CSMD2: variants seen among roughly 807,000 people sequenced by gnomAD.
The protein encoded by CSMD2 is CUB and Sushi multiple domains 2.
Under a neutral mutation model 398.5 loss-of-function variants are expected in CSMD2, and 130 were observed. The observed-to-expected ratio is 0.33, with a 90% CI of 0.28 to 0.38. CSMD2 has a LOEUF of 0.38. CSMD2 is among the 10% of genes least tolerant of loss of function. CSMD2 has a pLI of 1.00. For missense variants in CSMD2, 3,829 were observed against 4,764.9 expected (o/e 0.80, Z 5.78); for synonymous variants, 1,828 against 1,908.5 (o/e 0.96, Z 1.10).
At position 33,590,131 on chromosome 1, in the gene CSMD2, G is replaced by GT. The variant is rs35685001; in HGVS notation, c.6857-2964dup. On this transcript the variant is annotated intron_variant, in intron 44 of 70. Coordinates refer to ENST00000373381, the MANE Select transcript of CSMD2 (RefSeq NM_001281956.2). Reference sequence around the variant, plus strand: ...ATTTTCCATTACATTTTAAAACTAGGTTTTTTTTTTTTCAGGGTCTTGCTC... The same window carrying GT: ...ATTTTCCATTACATTTTAAAACTAGGTTTTTTTTTTTTTCAGGGTCTTGCTC... 9.6e-3 allele frequency among the ~76,000 whole-genome samples: 1,400 copies of GT among 146,210 alleles called. 8 individuals carry two copies. Among genetic ancestry groups the GT allele is most frequent in the Non-Finnish European group, 0.016 (1,063 of 66,588 alleles).
intron 25 of CSMD2, among the ~76,000 whole-genome samples, chr1:33,680,839 T>G (rs1484128387): frequency 6.6e-6 from 1 of 151,912 alleles, no homozygotes; most frequent in Non-Finnish European, 1.5e-5. Flanking sequence ...ACCACTGAGA[T>G]TTGGGGGTTA....
At position 33,654,779 on chromosome 1, in the gene CSMD2, C is replaced by T. The variant is rs115318179; in HGVS notation, c.4448-2318G>A. Among the ~76,000 whole-genome samples the T allele has an allele frequency of 8.5e-3, 1,288 of 152,352 alleles. 24 individuals carry two copies. Among genetic ancestry groups the T allele is most frequent in the African/African-American group, 0.029 (1,208 of 41,586 alleles). ...GGGAAATCTTCCCAAGGGGGCACAACGAGGCCTCCATTCTGGTTCCCAGCC... is the reference window on the plus strand; with the variant it reads ...GGGAAATCTTCCCAAGGGGGCACAATGAGGCCTCCATTCTGGTTCCCAGCC... On this transcript the variant is annotated intron_variant, in intron 27 of 70. Coordinates refer to ENST00000373381, the MANE Select transcript of CSMD2 (RefSeq NM_001281956.2).
chr1:33,827,351 C>G, intron 6 of CSMD2, among the ~76,000 whole-genome samples: 1 of 152,228 alleles, frequency 6.6e-6, no homozygotes, highest in East Asian at 1.9e-4. Flanking sequence ...CTTCTCCAGC[C>G]TCATGGGCCT....
intron 3 of CSMD2, among the ~76,000 whole-genome samples, chr1:33,953,607 A>C (rs1346211871): frequency 2.0e-5 from 3 of 152,198 alleles, no homozygotes; most frequent in Non-Finnish European, 4.4e-5. Flanking sequence ...GTTTGGAGTC[A>C]GGGATCTTTT....
intron 3 of CSMD2, among the ~76,000 whole-genome samples, chr1:33,989,803 C>T (rs532659248): frequency 3.9e-5 from 6 of 152,154 alleles, no homozygotes; most frequent in South Asian, 4.2e-4. Flanking sequence ...TCTAATCTGA[C>T]GTGACAGAAA....
At chr1:33,775,099 C>G (rs1034781780) in intron 12 of CSMD2, among the ~76,000 whole-genome samples, 2 of 152,182 alleles carry the variant, frequency 1.3e-5, no homozygotes, top group Admixed American at 1.3e-4. Context: ...CTAACCTCAT[C>G]TACAAAATTT....
chr1:33,967,215 G>A (rs964035597), intron 3 of CSMD2, among the ~76,000 whole-genome samples: 1 of 149,494 alleles, frequency 6.7e-6, no homozygotes, highest in African/African-American at 2.5e-5. Context: ...AAGGTCTGAA[G>A]AGGTCACCAA....
chr1:33,558,904 G>C (rs1423918790), intron 54 of CSMD2, among the ~76,000 whole-genome samples: 2 of 152,072 alleles, frequency 1.3e-5, no homozygotes, highest in African/African-American at 2.4e-5. Flanking sequence ...CAACCACAAG[G>C]AAAGACCAAG....
At chr1:33,761,092 G>A (rs1649762020) in intron 13 of CSMD2, among the ~76,000 whole-genome samples, 3 of 152,196 alleles carry the variant, frequency 2.0e-5, no homozygotes, top group East Asian at 3.9e-4. Context: ...TCTGTGGGCA[G>A]ATAACCTTAG....
chr1:33,959,175 CTTCTCT>C (rs1446731964), intron 3 of CSMD2, among the ~76,000 whole-genome samples: 3 of 152,194 alleles, frequency 2.0e-5, no homozygotes, highest in Non-Finnish European at 4.4e-5. Flanking sequence ...ACTATGGATG[CTTCTCT>C]TTGTTTATTC....
chr1:33,766,300 CCT>C lies in CSMD2; in HGVS notation c.1846+6267_1846+6268del, dbSNP rs373841785. 2.1e-4 allele frequency among the ~76,000 whole-genome samples: 32 copies of C among 152,276 alleles called. No individual in the cohort carries two copies. The South Asian group carries it at 6.4e-3, about 31-fold the overall frequency. On this transcript the variant is annotated intron_variant, in intron 13 of 70. Coordinates refer to ENST00000373381, the MANE Select transcript of CSMD2 (RefSeq NM_001281956.2). ...ACCCACTGCTGCCTCTTGGATGTCT[CCT>C]TTTCCAGCAGGGCCTCTCATCTTTC...
At position 34,088,974 on chromosome 1, in the gene CSMD2, T is replaced by G. The variant is rs2148365826; in HGVS notation, c.404+3A>C. The G allele has an allele frequency of 6.2e-7, 1 of 1,612,248 alleles. No individual in the cohort carries two copies. The highest frequency in any genetic ancestry group is 1.7e-5 in the Admixed American group (1 of 60,016). On this transcript the variant is annotated splice_donor_region_variant and intron_variant, in intron 2 of 70. Transcript: ENST00000373381. ...GCTACAGGGAAGGTGGGCAGCATGG[T>G]ACCTCGTACGCAGATTCTCTGGCTG...
At chr1:33,896,086 T>C (rs1211937995) in intron 5 of CSMD2, among the ~76,000 whole-genome samples, 1 of 152,206 alleles carries the variant, frequency 6.6e-6, no homozygotes, top group Non-Finnish European at 1.5e-5. Flanking sequence ...GCACTTTACA[T>C]ATTAATCAGG....
intron 12 of CSMD2, among the ~76,000 whole-genome samples, chr1:33,773,628 C>T (rs1651574866): frequency 6.6e-6 from 1 of 152,038 alleles, no homozygotes; most frequent in South Asian, 2.1e-4. Context: ...GTGCTTAATG[C>T]TGTGAGAGAT....
rs1377852605 is a variant in CSMD2 at position 33,846,952 on chromosome 1, T to C, written c.965A>G (p.Asn322Ser). 7 of 1,610,752 alleles carry C rather than the reference T, an allele frequency of 4.3e-6. No individual in the cohort carries two copies. The highest frequency in any genetic ancestry group is 8.5e-7 in the Non-Finnish European group (1 of 1,178,432). ...SLPAPVISSK[N>S]WLRLHFTSDG... The stretch of plus-strand genomic sequence containing the variant: ...CGATGTGAAGTGCAGTCGCAGCCAG[T>C]TCTTGCTGCTGATAACGGGGGCTGG... Residue 322 changes from asparagine (N) to serine (S), a missense_variant, in exon 6 of 71, where the codon AAC becomes AGC. Physicochemically the swap from Asn to Ser is conservative, Grantham distance 46. This residue lies in a region of CSMD2 where 2,001 missense variants were observed against 2,567.1 expected (regional missense o/e 0.78). Coordinates refer to ENST00000373381, the MANE Select transcript of CSMD2 (RefSeq NM_001281956.2).
Position 33,726,653 on chromosome 1 carries a change from C to T in CSMD2, c.2401G>A (p.Gly801Ser), listed in dbSNP as rs1377426192. The T allele has an allele frequency of 1.5e-5, 24 of 1,612,528 alleles. No individual in the cohort carries two copies. Among genetic ancestry groups the T allele is most frequent in the South Asian group, 6.6e-5 (6 of 90,960 alleles). Reference protein sequence around the residue: ...PCGGHLTSPSGTILSPGWPGF... With the variant: ...PCGGHLTSPSSTILSPGWPGF... The stretch of plus-strand genomic sequence containing the variant: ...GGCCAGCCCGGAGAGAGGATGGTGC[C>T]GCTGGGCGAAGTCAGGTGACCACCA... The change falls in exon 16 of 71, where the codon GGC becomes AGC. Residue 801 changes from glycine (G) to serine (S), a missense_variant. By Grantham distance (56) the Gly-to-Ser change is moderately conservative. This residue lies in a region of CSMD2 where 2,001 missense variants were observed against 2,567.1 expected (regional missense o/e 0.78). Transcript: ENST00000373381.
At chr1:34,121,186 G>A (rs918884292) in intron 1 of CSMD2, among the ~76,000 whole-genome samples, 4 of 152,166 alleles carry the variant, frequency 2.6e-5, no homozygotes, top group Non-Finnish European at 5.9e-5. Flanking sequence ...CTGAAGTCTG[G>A]GGTTTTCTCC....
chr1:33,984,046 C>T (rs1054328147), intron 3 of CSMD2, among the ~76,000 whole-genome samples: 2 of 152,008 alleles, frequency 1.3e-5, no homozygotes, highest in East Asian at 1.9e-4. Context: ...CCCAGCTACT[C>T]GGGAGGCTGA....
intron 1 of CSMD2, among the ~76,000 whole-genome samples, chr1:34,145,173 C>G (rs1225056084): frequency 1.3e-5 from 2 of 152,226 alleles, no homozygotes; most frequent in African/African-American, 4.8e-5. Context: ...CAATCTTAGA[C>G]AAAGTGAATA....
Sources: allele counts gnomAD v4.1 joint callset (sites outside exome capture counted in the v4.1 genomes callset), GRCh38; gene constraint gnomAD v4.1.1; regional missense constraint gnomAD v4.1.1; transcripts MANE v1.5; gene names NCBI Gene and HGNC (gene_info 2026-07-23, HGNC 2026-07-21).